Variants in ROBO2 observed in about 807,000 individuals in gnomAD.
The protein encoded by ROBO2 is roundabout guidance receptor 2.
A neutral mutation model predicts 160.8 loss-of-function variants in ROBO2; 53 were observed. The observed-to-expected ratio is 0.33, with a 90% CI of 0.26 to 0.41. The LOEUF is 0.41. ROBO2 is among the 10% of genes least tolerant of loss of function. The pLI is 1.00. For synonymous variants in ROBO2, 664 were observed against 611.7 expected (o/e 1.09, Z -1.26); for missense variants, 1,577 against 1,722.4 (o/e 0.92, Z 1.49).
intron 2 of ROBO2, among the ~76,000 whole-genome samples, chr3:76,250,748 A>C (rs1054166670): frequency 2.0e-5 from 3 of 152,082 alleles, no homozygotes; most frequent in African/African-American, 7.2e-5. Context: ...AAAATGGAGA[A>C]AGGTTTTTAA....
At chr3:77,453,637 T>G (rs1422602885) in intron 2 of ROBO2, among the ~76,000 whole-genome samples, 2 of 152,134 alleles carry the variant, frequency 1.3e-5, no homozygotes, top group Non-Finnish European at 2.9e-5. Context: ...AGGAAAAAAG[T>G]ATGTAAAATT....
chr3:76,754,839 G>T (rs1480399342), intron 2 of ROBO2, among the ~76,000 whole-genome samples: 1 of 151,844 alleles, frequency 6.6e-6, no homozygotes, highest in African/African-American at 2.4e-5. Flanking sequence ...TGACAGGAGG[G>T]TTGGGAAATT....
chr3:77,462,200 C>A (rs546789504), intron 2 of ROBO2, among the ~76,000 whole-genome samples: 3 of 152,126 alleles, frequency 2.0e-5, no homozygotes, highest in Non-Finnish European at 4.4e-5. Flanking sequence ...ATACTTGCTC[C>A]TTCCTTTAGA....
chr3:77,181,579 G>A (rs886687793), intron 2 of ROBO2, among the ~76,000 whole-genome samples: 2 of 152,084 alleles, frequency 1.3e-5, no homozygotes, highest in Non-Finnish European at 2.9e-5. Flanking sequence ...CCTTAGATGT[G>A]TAAAATGTAT....
chr3:76,391,723 C>T (rs188968044), intron 2 of ROBO2, among the ~76,000 whole-genome samples: 6 of 152,188 alleles, frequency 3.9e-5, no homozygotes, highest in African/African-American at 1.4e-4. Context: ...GTTGGCCAGG[C>T]TTGTCTCGAA....
chr3:77,058,612 G>A (rs769560742), intron 1 of ROBO2, among the ~76,000 whole-genome samples: 56 of 152,046 alleles, frequency 3.7e-4, no homozygotes, highest in Admixed American at 1.8e-3. Context: ...GGCTCACTGC[G>A]GCCTTGACTT....
intron 2 of ROBO2, among the ~76,000 whole-genome samples, chr3:77,122,176 C>T (rs2074842731): frequency 6.6e-6 from 1 of 152,176 alleles, no homozygotes; most frequent in South Asian, 2.1e-4. Context: ...TGAGATGTAA[C>T]TCTCTTGTTC....
chr3:76,128,749 A>G (rs73842999), intron 2 of ROBO2, among the ~76,000 whole-genome samples: 2,507 of 152,242 alleles, frequency 0.016, 69 homozygotes, highest in African/African-American at 0.057. Flanking sequence ...CAGTCAAAGA[A>G]TATAAACTGC....
intron 2 of ROBO2, among the ~76,000 whole-genome samples, chr3:76,038,273 GGAGTAGGT>G (rs1244357018): frequency 6.6e-6 from 1 of 151,932 alleles, no homozygotes; most frequent in East Asian, 1.9e-4. Flanking sequence ...GGAAAGAATA[GGAGTAGGT>G]GAGATTGCAT....
chr3:76,848,233 A>T (rs2068966384), intron 2 of ROBO2, among the ~76,000 whole-genome samples: 1 of 152,154 alleles, frequency 6.6e-6, no homozygotes, highest in African/African-American at 2.4e-5. Flanking sequence ...TCTTATATTG[A>T]ATTAAATTAC....
At chr3:76,106,081 T>C (rs1317550090) in intron 2 of ROBO2, among the ~76,000 whole-genome samples, 1 of 152,152 alleles carries the variant, frequency 6.6e-6, no homozygotes, top group African/African-American at 2.4e-5. Context: ...TCTCTCGAGA[T>C]AATGTTATGT....
chr3:76,946,048 T>C (rs2078520296), intron 2 of ROBO2, among the ~76,000 whole-genome samples: 1 of 152,182 alleles, frequency 6.6e-6, no homozygotes, highest in African/African-American at 2.4e-5. Context: ...CGTATAAATA[T>C]TCTTAAGCTG....
intron 2 of ROBO2, among the ~76,000 whole-genome samples, chr3:76,451,014 C>T (rs1233901406): frequency 6.6e-6 from 1 of 152,126 alleles, no homozygotes; most frequent in African/African-American, 2.4e-5. Flanking sequence ...CCGCAGACGC[C>T]TTTCCAGGGA....
chr3:77,147,773 T>A (rs1247442994), intron 2 of ROBO2, among the ~76,000 whole-genome samples: 1 of 152,214 alleles, frequency 6.6e-6, no homozygotes, highest in Non-Finnish European at 1.5e-5. Context: ...GGCAGATAGT[T>A]ACCTTCTTTT....
intron 1 of ROBO2, among the ~76,000 whole-genome samples, chr3:75,927,226 C>G (rs1301292285): frequency 6.6e-6 from 1 of 152,134 alleles, no homozygotes; most frequent in Non-Finnish European, 1.5e-5. Flanking sequence ...ATACATAAAT[C>G]TATTTAGTTC....
chr3:76,836,848 T>A (rs2109433942), intron 2 of ROBO2, among the ~76,000 whole-genome samples: 1 of 152,040 alleles, frequency 6.6e-6, no homozygotes, highest in South Asian at 2.1e-4. Flanking sequence ...CTTGAATATG[T>A]ATTCTTCTGC....
intron 2 of ROBO2, among the ~76,000 whole-genome samples, chr3:76,950,145 A>T (rs1047047078): frequency 1.3e-5 from 2 of 152,184 alleles, no homozygotes; most frequent in Admixed American, 1.3e-4. Flanking sequence ...ATTAATACTG[A>T]TAGGTGGTCT....
chr3:76,971,855 A>T (rs2059587912), intron 2 of ROBO2, among the ~76,000 whole-genome samples: 1 of 152,156 alleles, frequency 6.6e-6, no homozygotes. Context: ...CTAAGTCAGG[A>T]AGTGTGTGGC....
chr3:76,791,405 G>A lies in ROBO2; in HGVS notation c.110-306609G>A, dbSNP rs116053131. On this transcript the variant is annotated intron_variant, in intron 2 of 26. Coordinates refer to the ROBO2 transcript ENST00000487694. The stretch of plus-strand genomic sequence containing the variant: ...CAATAGACTGTGGCAGAAGAGATGG[G>A]TTATCACTTCTGAAATTGGGTTTTA... 9.0e-3 allele frequency among the ~76,000 whole-genome samples: 1,364 copies of A among 151,744 alleles called. 18 individuals are homozygous for A. The highest frequency in any genetic ancestry group is 0.031 in the African/African-American group (1,292 of 41,446).
Sources: gnomAD v4.1 joint callset for allele counts (sites outside exome capture counted in the v4.1 genomes callset) on GRCh38, gnomAD v4.1.1 for gene constraint, MANE v1.5 for transcripts, NCBI Gene and HGNC (gene_info 2026-07-23, HGNC 2026-07-21) for gene names.